CEMIP: variants seen among roughly 807,000 people sequenced by gnomAD.
CEMIP encodes cell migration-inducing and hyaluronan-binding protein.
A neutral mutation model predicts 156.9 loss-of-function variants in CEMIP; 105 were observed. That is an observed-to-expected ratio of 0.67 (90% CI 0.57 to 0.79). The LOEUF (loss-of-function observed/expected upper bound fraction) is 0.79, where lower values mean the gene tolerates loss of function less well. Ranked by LOEUF, CEMIP falls within the 30% of genes least tolerant of loss-of-function variation. The pLI is 0.00. For missense variants in CEMIP, 1,457 were observed against 1,769.4 expected (o/e 0.82, Z 3.17); for synonymous variants, 676 against 668.4 (o/e 1.01, Z -0.17).
At chr15:80,927,489 G>T (rs2141940808) in intron 19 of CEMIP, among the ~76,000 whole-genome samples, 1 of 152,288 alleles carries the variant, frequency 6.6e-6, no homozygotes, top group South Asian at 2.1e-4. Flanking sequence ...CCTAAGTTCG[G>T]TAAATCTCTT....
chr15:80,912,416 T>C (rs924977235), intron 14 of CEMIP, among the ~76,000 whole-genome samples: 1 of 152,154 alleles, frequency 6.6e-6, no homozygotes, highest in African/African-American at 2.4e-5. Context: ...AGGGCCATTG[T>C]ACAGACACTA....
chr15:80,794,804 C>T (rs547735195), intron 1 of CEMIP, among the ~76,000 whole-genome samples: 7 of 152,026 alleles, frequency 4.6e-5, no homozygotes, highest in South Asian at 2.1e-4. Flanking sequence ...GAAAAAATCA[C>T]GGGCGTATGT....
chr15:80,940,297 T>G (rs888768119), intron 25 of CEMIP, among the ~76,000 whole-genome samples: 1 of 152,224 alleles, frequency 6.6e-6, no homozygotes, highest in Non-Finnish European at 1.5e-5. Flanking sequence ...TACCATGGGC[T>G]GGATGGTCTT....
At chr15:80,807,596 G>T (rs1896545357) in intron 1 of CEMIP, among the ~76,000 whole-genome samples, 2 of 152,176 alleles carry the variant, frequency 1.3e-5, no homozygotes, top group Non-Finnish European at 2.9e-5. Flanking sequence ...AAATTTTGGA[G>T]GCCTTGGAGG....
At chr15:80,840,388 C>T (rs373875089) in intron 1 of CEMIP, among the ~76,000 whole-genome samples, 61 of 152,218 alleles carry the variant, frequency 4.0e-4, no homozygotes, top group African/African-American at 1.5e-3. Context: ...CTGTCAGGAC[C>T]CTCCTTCCTG....
At chr15:80,866,327 A>C (rs2866982) in intron 1 of CEMIP, among the ~76,000 whole-genome samples, 79,791 of 152,030 alleles carry the variant, frequency 0.52, 21,592 homozygotes, top group East Asian at 0.77. Flanking sequence ...CGTTGGCTCA[A>C]GCCTGTAATC....
At chr15:80,892,098 C>T (rs750061738) in intron 10 of CEMIP, among the ~76,000 whole-genome samples, 9 of 152,080 alleles carry the variant, frequency 5.9e-5, no homozygotes, top group Admixed American at 1.3e-4. Flanking sequence ...CTCACCTCCC[C>T]GGGCCCTGAG....
chr15:80,780,239 G>A (rs1338233956), intron 1 of CEMIP, among the ~76,000 whole-genome samples: 1 of 152,236 alleles, frequency 6.6e-6, no homozygotes, highest in Non-Finnish European at 1.5e-5. Flanking sequence ...CTCTGCTGAT[G>A]TTTAGACTGA....
In CEMIP at chr15:80,843,942, C is replaced by T. The variant is rs531115073; in HGVS notation, c.-175-29596C>T. ...AGAAGAAACTGAGGCAGGGAGCAGCCAGTCATTGCCCGAGGCTTCCTGGCA... is the reference window on the plus strand; with the variant it reads ...AGAAGAAACTGAGGCAGGGAGCAGCTAGTCATTGCCCGAGGCTTCCTGGCA... On this transcript the variant is annotated intron_variant, in intron 1 of 29. Transcript: ENST00000394685. 1.4e-4 allele frequency among the ~76,000 whole-genome samples: 22 copies of T among 152,356 alleles called. No homozygotes were observed. In the South Asian group the frequency reaches 4.3e-3, roughly 30 times the overall value.
intron 1 of CEMIP, among the ~76,000 whole-genome samples, chr15:80,872,697 C>G (rs1898336925): frequency 6.6e-6 from 1 of 152,136 alleles, no homozygotes; most frequent in African/African-American, 2.4e-5. Context: ...TGCCTGCAAT[C>G]CCAACTACTG....
chr15:80,938,272 G>T, intron 25 of CEMIP: 1 of 384,486 alleles, frequency 2.6e-6, no homozygotes. Context: ...AGAAAACATG[G>T]TACATTATCT....
At chr15:80,827,637 C>A (rs1449340770) in intron 1 of CEMIP, among the ~76,000 whole-genome samples, 2 of 152,048 alleles carry the variant, frequency 1.3e-5, no homozygotes, top group South Asian at 2.1e-4. Flanking sequence ...ACAACAACAA[C>A]AAAAAACTTC....
At chr15:80,792,131 C>T (rs1896097318) in intron 1 of CEMIP, among the ~76,000 whole-genome samples, 1 of 152,122 alleles carries the variant, frequency 6.6e-6, no homozygotes, top group African/African-American at 2.4e-5. Context: ...CACCAAGTAG[C>T]CAGAGGAGAG....
At chr15:80,896,084 C>T in intron 12 of CEMIP, 24 bp downstream of exon 12, 2 of 1,608,848 alleles carry the variant, frequency 1.2e-6, no homozygotes, top group Non-Finnish European at 1.7e-6. Context: ...TAATCCCTTC[C>T]TAGACTGGAT....
intron 19 of CEMIP, 147 bp downstream of exon 19, chr15:80,925,902 T>C: frequency 8.0e-7 from 1 of 1,247,538 alleles, no homozygotes; most frequent in Non-Finnish European, 1.1e-6. Flanking sequence ...GGCAGGGGCA[T>C]AGAATGGCAG....
intron 17 of CEMIP, among the ~76,000 whole-genome samples, chr15:80,923,550 G>A (rs993492851): frequency 2.0e-5 from 3 of 152,122 alleles, no homozygotes; most frequent in East Asian, 1.9e-4. Flanking sequence ...GCATGCAAGG[G>A]CTCATGGGTG....
intron 1 of CEMIP, among the ~76,000 whole-genome samples, chr15:80,784,674 G>A (rs577632004): frequency 1.6e-4 from 24 of 152,136 alleles, no homozygotes; most frequent in Non-Finnish European, 3.2e-4. Flanking sequence ...TTGTTTAGGG[G>A]TTAGGTTAGA....
At chr15:80,811,096 C>T (rs958053207) in intron 1 of CEMIP, among the ~76,000 whole-genome samples, 2 of 152,146 alleles carry the variant, frequency 1.3e-5, no homozygotes, top group African/African-American at 2.4e-5. Context: ...GCCTCTTCCC[C>T]CAACCTACTT....
chr15:80,887,702 G>A lies in CEMIP; in HGVS notation c.806G>A (p.Trp269Ter). 1 of 1,611,892 alleles carries A rather than the reference G, an allele frequency of 6.2e-7. No homozygotes were observed. Among genetic ancestry groups the A allele is most frequent in the Non-Finnish European group, 8.5e-7 (1 of 1,179,306 alleles). Residue 269 changes from tryptophan (W) to a stop codon, truncating the protein, a stop_gained, in exon 8 of 30, where the codon TGG (tryptophan) becomes TAG (stop). Transcript: ENST00000394685. LOFTEE classifies it high-confidence loss of function. ...HFLHLGFRHP[W>*]SFLTVKGNPS... ...GTTTTTCTTTTTTTCAGACACCCTT[G>A]GAGTTTTCTAACTGTGAAAGGAAAT... is the stretch of plus-strand genomic sequence containing the variant.
Sources: allele counts gnomAD v4.1 joint callset (sites outside exome capture counted in the v4.1 genomes callset), GRCh38; gene constraint gnomAD v4.1.1; transcripts MANE v1.5; gene names NCBI Gene and HGNC (gene_info 2026-07-23, HGNC 2026-07-21).